Variants in RSPH1 observed in about 807,000 individuals in gnomAD.
The protein encoded by RSPH1 is radial spoke head 1 homolog.
RSPH1 carries 32 observed loss-of-function variants against 44.2 expected under a neutral mutation model. The observed-to-expected ratio is 0.72, with a 90% CI of 0.55 to 0.97. The LOEUF is 0.97. Among genes scored for constraint, RSPH1 ranks in the 50% least tolerant of loss-of-function variants. RSPH1 has a pLI of 0.00. For missense variants in RSPH1, 391 were observed against 398.7 expected (o/e 0.98, Z 0.16); for synonymous variants, 134 against 147.3 (o/e 0.91, Z 0.65).
chr21:42,477,527 G>C (rs2054081012), intron 6 of RSPH1, 83 bp from the exon 7 acceptor site: 4 of 1,456,104 alleles, frequency 2.7e-6, no homozygotes, highest in Admixed American at 1.7e-5. Context: ...GGAAGGACAA[G>C]TTTTGAAAGA....
At chr21:42,480,555 G>A (rs551656502) in intron 6 of RSPH1, among the ~76,000 whole-genome samples, 18 of 143,470 alleles carry the variant, frequency 1.3e-4, no homozygotes, top group South Asian at 9.0e-4. Flanking sequence ...CAGGAGAATC[G>A]CTTGAACCCG....
In RSPH1 at chr21:42,477,463, T is replaced by C; in HGVS notation, c.574-19A>G. On this transcript the variant is annotated intron_variant, in intron 6 of 8. Coordinates refer to ENST00000291536, the MANE Select transcript of RSPH1 (RefSeq NM_080860.4). ...CTCTTTCCTATTTTAAGTGCAAAAA[T>C]GTACATTTACCAACATTTGTGTCAT... 1 of 1,612,462 alleles carries C rather than the reference T, an allele frequency of 6.2e-7. No homozygotes were observed. The highest frequency in any genetic ancestry group is 8.5e-7 in the Non-Finnish European group (1 of 1,178,528).
chr21:42,488,351 C>T (rs139970124), intron 3 of RSPH1, among the ~76,000 whole-genome samples: 70 of 152,174 alleles, frequency 4.6e-4, no homozygotes, highest in Non-Finnish European at 9.9e-4. Context: ...ATACTCACAC[C>T]GCGGCCAATT....
At chr21:42,487,375 AT>A (rs1213344913) in intron 3 of RSPH1, among the ~76,000 whole-genome samples, 1 of 152,216 alleles carries the variant, frequency 6.6e-6, no homozygotes, top group Non-Finnish European at 1.5e-5. Context: ...GCTAAATGAT[AT>A]GTTTTGAGAC....
intron 5 of RSPH1, 63 bp from the exon 6 acceptor site, chr21:42,482,771 G>A: frequency 1.6e-6 from 2 of 1,241,110 alleles, no homozygotes; most frequent in South Asian, 1.2e-5. Flanking sequence ...AAATACAAAT[G>A]TCACCACCAC....
chr21:42,488,333 T>C (rs1177534968), intron 3 of RSPH1, among the ~76,000 whole-genome samples: 1 of 152,188 alleles, frequency 6.6e-6, no homozygotes. Flanking sequence ...CCAGGTTCTG[T>C]GGTGTAAATA....
chr21:42,493,135 T>A, intron 1 of RSPH1, 56 bp from the exon 2 acceptor site: 1 of 1,414,708 alleles, frequency 7.1e-7, no homozygotes, highest in Non-Finnish European at 1.0e-6. Flanking sequence ...GCTAACCAGG[T>A]GCTAAGCATT....
Position 42,476,964 on chromosome 21 carries a change from C to T in RSPH1, c.727+327G>A, listed in dbSNP as rs1204929807. Among the ~76,000 whole-genome samples the T allele has an allele frequency of 2.6e-5, 4 of 151,886 alleles. No homozygotes were observed. The East Asian group carries it at 5.8e-4, about 22-fold the overall frequency. Reference sequence around the variant, plus strand: ...GCCCAAAGGCGCCCACACCCTCCATCCCACAGCCTGGGGATGCCCCACACC... The same window carrying T: ...GCCCAAAGGCGCCCACACCCTCCATTCCACAGCCTGGGGATGCCCCACACC... On this transcript the variant is annotated intron_variant, in intron 7 of 8. Transcript: ENST00000291536.
rs2054081598 is a variant in RSPH1 at position 42,477,568 on chromosome 21, G to A, written c.574-124C>T. The A allele has an allele frequency of 4.3e-6, 4 of 936,510 alleles. No homozygotes were observed. The South Asian group carries it at 6.1e-5, about 14-fold the overall frequency. 58.0% of individuals were successfully genotyped at this position (936,510 alleles called of 1,614,324 possible). A position where few individuals can be genotyped will look rare whatever the true frequency, so the allele number is the denominator to read the frequency against. ...TTTGGCTTGTGTTTCAGCCTTTTTA[G>A]GACGTCACTCAGGAATCAGACCAGT... On this transcript the variant is annotated intron_variant, in intron 6 of 8. Coordinates refer to ENST00000291536, the MANE Select transcript of RSPH1 (RefSeq NM_080860.4).
intron 4 of RSPH1, 121 bp downstream of exon 4, chr21:42,486,250 G>A (rs753122134): frequency 2.6e-6 from 2 of 781,350 alleles, no homozygotes; most frequent in Non-Finnish European, 4.5e-6. Flanking sequence ...GGACCTGCCT[G>A]GCAGAGTTGG....
In RSPH1 at chr21:42,476,022, G is replaced by T; in HGVS notation, c.753C>A (p.Ala251=). 1 of 1,613,372 alleles carries T rather than the reference G, an allele frequency of 6.2e-7. No individual in the cohort carries two copies. The stretch of plus-strand genomic sequence containing the variant: ...CCTCGAAGCCCTCCAGCAGAGCCTG[G>T]GCCTCCTCCCCGGGTTCTCCTGCAC... ...AESAGEPGEE[A]QALLEGFEGE... Residue 251 remains alanine (A), a synonymous_variant, in exon 8 of 9, where the codon GCC becomes GCA. Coordinates refer to ENST00000291536, the MANE Select transcript of RSPH1 (RefSeq NM_080860.4).
chr21:42,477,102 CCCCTCCACT>C (rs1445710998), intron 7 of RSPH1, among the ~76,000 whole-genome samples, 180 bp downstream of exon 7: 2 of 141,820 alleles, frequency 1.4e-5, no homozygotes, highest in African/African-American at 5.2e-5. Context: ...CACCCTCTGC[CCCCTCCACT>C]CCACAGCCCG....
In RSPH1 at chr21:42,477,731, C is replaced by T. The variant is rs184461041; in HGVS notation, c.574-287G>A. Among the ~76,000 whole-genome samples the T allele has an allele frequency of 5.9e-5, 9 of 152,316 alleles. No individual in the cohort carries two copies. The East Asian group carries it at 7.7e-4, about 13-fold the overall frequency. On this transcript the variant is annotated intron_variant, in intron 6 of 8. Transcript: ENST00000291536. ...ACAAAAGGCTTTCAGATGAGCATGT[C>T]GCAGTCGCCTGCAATAGCTAAGACA...
intron 1 of RSPH1, 195 bp downstream of exon 1, chr21:42,495,938 C>G (rs2054283391): frequency 1.7e-6 from 1 of 598,458 alleles, no homozygotes; most frequent in Non-Finnish European, 3.0e-6. Context: ...CCAGACGTCA[C>G]AGCGTTTCAC....
Position 42,472,786 on chromosome 21 carries a change from T to C in RSPH1, c.*32A>G. On this transcript the variant is annotated 3_prime_UTR_variant, in exon 9 of 9. Coordinates refer to ENST00000291536, the MANE Select transcript of RSPH1 (RefSeq NM_080860.4). ...ACCCGGCTAACGACAGAAGCATTCT[T>C]ATGATACGATCTCCTCTCGGCTCAC... is the stretch of plus-strand genomic sequence containing the variant. 1 of 1,559,220 alleles carries C rather than the reference T, an allele frequency of 6.4e-7. No individual in the cohort carries two copies. The highest frequency in any genetic ancestry group is 1.4e-5 in the African/African-American group (1 of 72,860).
At chr21:42,491,859 C>T (rs563940386) in intron 3 of RSPH1, among the ~76,000 whole-genome samples, 1 of 152,296 alleles carries the variant, frequency 6.6e-6, no homozygotes, top group African/African-American at 2.4e-5. Flanking sequence ...GTCCTAGCCC[C>T]AGTTACTGAG....
At chr21:42,487,823 T>G (rs1484815076) in intron 3 of RSPH1, among the ~76,000 whole-genome samples, 3 of 152,242 alleles carry the variant, frequency 2.0e-5, no homozygotes, top group African/African-American at 7.2e-5. Flanking sequence ...CCCCAAAATT[T>G]ATCTGCAGAA....
chr21:42,484,197 A>T lies in RSPH1; in HGVS notation c.501+1472T>A, dbSNP rs117450092. ...TGAGATGACATTTTTTACCCATAAG[A>T]TTGGAAAAGAACAAAAACAACATTA... On this transcript the variant is annotated intron_variant, in intron 5 of 8. Coordinates refer to ENST00000291536, the MANE Select transcript of RSPH1 (RefSeq NM_080860.4). 4.8e-3 allele frequency among the ~76,000 whole-genome samples: 737 copies of T among 152,354 alleles called. 4 individuals are homozygous for T. Among genetic ancestry groups the T allele is most frequent in the Non-Finnish European group, 8.5e-3 (577 of 68,026 alleles).
At chr21:42,490,483 T>C (rs2054225735) in intron 3 of RSPH1, among the ~76,000 whole-genome samples, 1 of 152,206 alleles carries the variant, frequency 6.6e-6, no homozygotes, top group Non-Finnish European at 1.5e-5. Context: ...GACCTCAGTT[T>C]CCATTGCTGC....
Sources: allele counts gnomAD v4.1 joint callset (sites outside exome capture counted in the v4.1 genomes callset), GRCh38; gene constraint gnomAD v4.1.1; transcripts MANE v1.5; gene names NCBI Gene and HGNC (gene_info 2026-07-23, HGNC 2026-07-21).